APPL2: variants seen among roughly 807,000 people sequenced by gnomAD.
The protein encoded by APPL2 is adaptor protein, phosphotyrosine interacting with PH domain and leucine zipper 2.
Under a neutral mutation model 92.7 loss-of-function variants are expected in APPL2, and 84 were observed. That is an observed-to-expected ratio of 0.91 (90% CI 0.76 to 1.09). The LOEUF is 1.09. APPL2 is among the 50% of genes least tolerant of loss of function. The pLI is 0.00. For synonymous variants in APPL2, 291 were observed against 291.0 expected, an observed-to-expected ratio of 1.00 and a Z score of 0.00; for missense variants, 736 against 824.5, an observed-to-expected ratio of 0.89 and a Z score of 1.31.
chr12:105,219,843 G>C (rs1889963349), intron 2 of APPL2, among the ~76,000 whole-genome samples: 1 of 152,220 alleles, frequency 6.6e-6, no homozygotes, highest in Non-Finnish European at 1.5e-5. Flanking sequence ...GTTAGCAGCA[G>C]ATGGATTCAT....
At chr12:105,218,417 A>G (rs2136051041) in intron 2 of APPL2, among the ~76,000 whole-genome samples, 1 of 151,298 alleles carries the variant, frequency 6.6e-6, no homozygotes, top group South Asian at 2.1e-4. Flanking sequence ...GCATCAAAAA[A>G]ATAGTTACAA....
In APPL2 at chr12:105,203,572, G is replaced by C; in HGVS notation, c.704+131C>G. On this transcript the variant is annotated intron_variant, in intron 9 of 20. Transcript: ENST00000258530. ...CAGCTAAGGCAAGGGCACTGTTAGC[G>C]AGCATTTCTGGGGTGGACAGAGGCT... 5 of 757,354 alleles carry C rather than the reference G, an allele frequency of 6.6e-6. No individual in the cohort carries two copies. The South Asian group carries it at 8.7e-5, about 13-fold the overall frequency. 46.9% of individuals were successfully genotyped at this position (757,354 alleles called of 1,614,324 possible). A position where few individuals can be genotyped will look rare whatever the true frequency, so the allele number is the denominator to read the frequency against.
intron 17 of APPL2, among the ~76,000 whole-genome samples, chr12:105,181,311 A>C (rs1196859): frequency 1.4e-3 from 207 of 152,260 alleles, no homozygotes; most frequent in South Asian, 5.8e-3. Flanking sequence ...GGATGAAGCC[A>C]ACTTGATCAT....
intron 5 of APPL2, among the ~76,000 whole-genome samples, chr12:105,208,656 G>A (rs1327305520): frequency 6.6e-6 from 1 of 152,172 alleles, no homozygotes; most frequent in African/African-American, 2.4e-5. Context: ...CTGGACAAAG[G>A]AATACGCGGT....
At chr12:105,233,112 GAAGAAGTAC>G (rs1382070914) in intron 1 of APPL2, 1 of 985,340 alleles carries the variant, frequency 1.0e-6, no homozygotes, top group Non-Finnish European at 1.2e-6. Flanking sequence ...ATAAGCCCCT[GAAGAAGTAC>G]AAGCTGCAGG....
At chr12:105,175,737 CACACGGTGGGT>C (rs1885469318) in intron 20 of APPL2, among the ~76,000 whole-genome samples, 2 of 147,692 alleles carry the variant, frequency 1.4e-5, no homozygotes, top group Non-Finnish European at 3.0e-5. Context: ...CTTAGAGCAG[CACACGGTGGGT>C]ACTTATCTAT....
chr12:105,182,215 G>A lies in APPL2; in HGVS notation c.1635-4953C>T, dbSNP rs550930346. 5.3e-5 allele frequency among the ~76,000 whole-genome samples: 8 copies of A among 152,286 alleles called. No homozygotes were observed. In the South Asian group the frequency reaches 1.7e-3, roughly 32 times the overall value. On this transcript the variant is annotated intron_variant, in intron 17 of 20. Transcript: ENST00000258530. ...GCAAATTTTTTGTATTTTTAGTAGA[G>A]ACAGGGTTTCATCATGTTGGCCAGG...
chr12:105,184,129 T>G (rs752601450), intron 17 of APPL2, among the ~76,000 whole-genome samples: 15 of 152,246 alleles, frequency 9.9e-5, no homozygotes, highest in Non-Finnish European at 2.1e-4. Context: ...TGTTCTTCTC[T>G]AAACTGGTTA....
intron 10 of APPL2, among the ~76,000 whole-genome samples, chr12:105,198,961 G>C (rs566033648): frequency 6.6e-6 from 1 of 152,136 alleles, no homozygotes; most frequent in South Asian, 2.1e-4. Context: ...AGTATGAATC[G>C]AACTGACTCT....
rs35804663 is a variant in APPL2 at position 105,174,323 on chromosome 12, G to C, written c.1986C>G (p.Ser662=). The C allele has an allele frequency of 5.6e-6, 9 of 1,613,688 alleles. No individual in the cohort carries two copies. The Middle Eastern group carries it at 6.6e-4, about 118-fold the overall frequency. The change falls in exon 21 of 21, where the codon TCC becomes TCG. Residue 662 remains serine (S), a synonymous_variant. Coordinates refer to ENST00000258530, the MANE Select transcript of APPL2 (RefSeq NM_018171.5). ...CACAGGCGCAAGTGAGTTATGCTTC[G>C]GATTCTGCGCCTCTATGTTCGTTTG... ...GNPNEHRGAE[S]EA
intron 5 of APPL2, among the ~76,000 whole-genome samples, chr12:105,208,986 T>C (rs560725528): frequency 1.3e-5 from 2 of 152,324 alleles, no homozygotes; most frequent in East Asian, 3.9e-4. Context: ...CCAAACTGCC[T>C]CCAGCTTTTA....
rs1887063242 is a variant in APPL2, at chr12:105,190,032, C to T, written c.1365G>A (p.Val455=). 6.2e-7 allele frequency: 1 copy of T among 1,614,084 alleles called. No individual in the cohort carries two copies. The highest frequency in any genetic ancestry group is 1.7e-5 in the Admixed American group (1 of 60,000). Residue 455 remains valine, a synonymous_variant, in exon 15 of 21, where the codon GTG becomes GTA. Coordinates refer to ENST00000258530, the MANE Select transcript of APPL2 (RefSeq NM_018171.5). ...GATCAAGGAATTCTGTAGCAGGAAG[C>T]ACAATATCGAATTGAATCGGCGTTC... The part of the protein sequence containing the change: ...APGTPIQFDI[V]LPATEFLDQN...
At position 105,174,204 on chromosome 12, in the gene APPL2, G is replaced by T; in HGVS notation, c.*110C>A. 7.4e-7 allele frequency: 1 copy of T among 1,349,316 alleles called. No homozygotes were observed. The highest frequency in any genetic ancestry group is 1.0e-6 in the Non-Finnish European group (1 of 1,002,162). The allele number at this position is 1,349,316 out of a possible 1,614,324, so 83.6% of individuals were successfully genotyped here. The stretch of plus-strand genomic sequence containing the variant: ...GGCATCAAGATTACATTCCACAAAC[G>T]ATTGTCAGCCTTCGGAAATCAGGTC... On this transcript the variant is annotated 3_prime_UTR_variant, in exon 21 of 21. Transcript: ENST00000258530.
Position 105,210,827 on chromosome 12 carries a change from C to T in APPL2, c.373+403G>A, listed in dbSNP as rs903065529. Among the ~76,000 whole-genome samples the T allele has an allele frequency of 4.6e-5, 7 of 152,200 alleles. No homozygotes were observed. The South Asian group carries it at 6.2e-4, about 14-fold the overall frequency. ...CCCGCTTTCCATTCCAAAGCATTCA[C>T]GGTTCCCCCAAGAACAGCATGACTT... is the stretch of plus-strand genomic sequence containing the variant. On this transcript the variant is annotated intron_variant, in intron 5 of 20. Transcript: ENST00000258530.
intron 1 of APPL2, among the ~76,000 whole-genome samples, chr12:105,235,676 T>G (rs1465729219): frequency 1.3e-5 from 2 of 152,190 alleles, no homozygotes; most frequent in East Asian, 3.9e-4. Context: ...AATCAAAGTT[T>G]AGATCTCGCA....
intron 14 of APPL2, among the ~76,000 whole-genome samples, chr12:105,192,276 C>G (rs1887270574): frequency 6.6e-6 from 1 of 152,216 alleles, no homozygotes. Context: ...ATCATCTTCT[C>G]TTGGGCTGTT....
At chr12:105,224,688 T>C (rs1179010100) in intron 2 of APPL2, among the ~76,000 whole-genome samples, 8 of 152,214 alleles carry the variant, frequency 5.3e-5, no homozygotes, top group African/African-American at 1.7e-4. Context: ...GGCACTTTTA[T>C]GTGCCTAAGA....
intron 1 of APPL2, among the ~76,000 whole-genome samples, 176 bp downstream of exon 1, chr12:105,235,783 C>T (rs1463430682): frequency 6.6e-6 from 1 of 152,058 alleles, no homozygotes; most frequent in African/African-American, 2.4e-5. Context: ...CGGCTCAGGA[C>T]TCAGGGCCCG....
intron 4 of APPL2, 55 bp from the exon 5 acceptor site, chr12:105,211,372 T>A (rs550205260): frequency 1.5e-6 from 2 of 1,301,618 alleles, no homozygotes; most frequent in Admixed American, 3.4e-5. Flanking sequence ...ATTATTGACA[T>A]AGTCTCATTT....
Sources: gnomAD v4.1 joint callset for allele counts (sites outside exome capture counted in the v4.1 genomes callset) on GRCh38, gnomAD v4.1.1 for gene constraint, MANE v1.5 for transcripts, NCBI Gene and HGNC (gene_info 2026-07-23, HGNC 2026-07-21) for gene names.